CLIP2: variants seen among roughly 807,000 people sequenced by gnomAD.
CLIP2 encodes the protein CAP-Gly domain-containing linker protein 2.
In CLIP2, 41 loss-of-function variants were observed where a neutral mutation model predicts 111.7. The ratio of observed to expected loss-of-function variants is 0.37; its 90% CI spans 0.29 to 0.48. The LOEUF is 0.48. Among genes scored for constraint, CLIP2 ranks in the 20% least tolerant of loss-of-function variants. The pLI is 0.99. For synonymous variants in CLIP2, 660 were observed against 644.2 expected (o/e 1.02, Z -0.37); for missense variants, 1,160 against 1,422.1 (o/e 0.82, Z 2.96).
intron 1 of CLIP2, among the ~76,000 whole-genome samples, chr7:74,299,412 C>G (rs576964682): frequency 6.6e-6 from 1 of 152,196 alleles, no homozygotes; most frequent in Admixed American, 6.5e-5. Flanking sequence ...AATCCCTGGG[C>G]CACCAAGTTC....
chr7:74,317,390 C>T, intron 1 of CLIP2, 90 bp from the exon 2 acceptor site: 1 of 912,528 alleles, frequency 1.1e-6, no homozygotes. Flanking sequence ...TCCAGCCCAC[C>T]TCAGGAGGGA....
intron 8 of CLIP2, among the ~76,000 whole-genome samples, chr7:74,372,103 G>A (rs1584370237): frequency 6.6e-6 from 1 of 152,230 alleles, no homozygotes; most frequent in East Asian, 1.9e-4. Context: ...CACCCTCCCA[G>A]CTTCCCTTCC....
intron 10 of CLIP2, among the ~76,000 whole-genome samples, chr7:74,379,778 T>TA (rs202201006): frequency 6.7e-6 from 1 of 149,798 alleles, no homozygotes; most frequent in African/African-American, 2.5e-5. Context: ...AAAATAATAA[T>TA]AAAAAAACCC....
intron 8 of CLIP2, among the ~76,000 whole-genome samples, chr7:74,369,631 C>T (rs1554311495): frequency 2.0e-5 from 3 of 151,692 alleles, no homozygotes; most frequent in African/African-American, 4.8e-5. Flanking sequence ...CCAAGGCCAG[C>T]GGATCATTCG....
chr7:74,314,623 A>G (rs1326644239), intron 1 of CLIP2, among the ~76,000 whole-genome samples: 3 of 152,170 alleles, frequency 2.0e-5, no homozygotes, highest in Admixed American at 2.0e-4. Flanking sequence ...AGACATGAGG[A>G]TGCTTTTGCC....
chr7:74,317,744 GC>G, intron 2 of CLIP2, 77 bp downstream of exon 2: 1 of 1,343,684 alleles, frequency 7.4e-7, no homozygotes, highest in Non-Finnish European at 9.6e-7. Flanking sequence ...AGCCCCAGGA[GC>G]ACAGGCCACT....
At chr7:74,309,773 G>A (rs987452019) in intron 1 of CLIP2, among the ~76,000 whole-genome samples, 6 of 150,468 alleles carry the variant, frequency 4.0e-5, no homozygotes, top group African/African-American at 1.5e-4. Flanking sequence ...CAGGAGAATC[G>A]CTTGAACCCG....
At chr7:74,303,592 T>A (rs1434569935) in intron 1 of CLIP2, among the ~76,000 whole-genome samples, 9 of 144,642 alleles carry the variant, frequency 6.2e-5, no homozygotes, top group African/African-American at 2.4e-4. Flanking sequence ...CTTGTGTCTC[T>A]TATTTTTTTT....
At chr7:74,377,894 C>T (rs1189972676) in intron 10 of CLIP2, among the ~76,000 whole-genome samples, 5 of 147,600 alleles carry the variant, frequency 3.4e-5, no homozygotes, top group Admixed American at 1.4e-4. Flanking sequence ...GGTGGGATCT[C>T]GGCTCACTGC....
chr7:74,320,327 T>C (rs1309850094), intron 2 of CLIP2, among the ~76,000 whole-genome samples: 1 of 150,964 alleles, frequency 6.6e-6, no homozygotes, highest in Non-Finnish European at 1.5e-5. Flanking sequence ...AGAGTTTGAG[T>C]CCAGCCTGAG....
At chr7:74,365,031 GT>G (rs1790440667) in intron 8 of CLIP2, 4 of 325,080 alleles carry the variant, frequency 1.2e-5, no homozygotes, top group Admixed American at 3.7e-5. Flanking sequence ...GTGTGTGTGT[GT>G]GTGTGTGTGT....
rs782351402 is a variant in CLIP2, at chr7:74,397,039, T to G, written c.2721-35T>G. On this transcript the variant is annotated intron_variant, in intron 13 of 16. Transcript: ENST00000223398. Reference sequence around the variant, plus strand: ...GTGTGGGAGCTGGAGGAGCCAGGGCTGAGTGCAGTGGTTCTGTGCCCGCCT... The same window carrying G: ...GTGTGGGAGCTGGAGGAGCCAGGGCGGAGTGCAGTGGTTCTGTGCCCGCCT... 3.7e-6 allele frequency: 6 copies of G among 1,605,646 alleles called. No homozygotes were observed. In the East Asian group the frequency reaches 9.0e-5, roughly 24 times the overall value.
chr7:74,324,063 G>A (rs1217153334), intron 2 of CLIP2, among the ~76,000 whole-genome samples: 8 of 152,044 alleles, frequency 5.3e-5, no homozygotes, highest in Non-Finnish European at 8.8e-5. Context: ...GCAGTGGCAC[G>A]ATCTCTGCAA....
chr7:74,360,257 A>G lies in CLIP2; in HGVS notation c.1298A>G (p.Asn433Ser). ...SVRKEKVDLS[N>S]QLEEERRKVE... Reference sequence around the variant, plus strand: ...CGGAAAGAGAAGGTGGACCTGTCCAACCAGCTGGAGGAGGAGAGGAGGTAC... The same window carrying G: ...CGGAAAGAGAAGGTGGACCTGTCCAGCCAGCTGGAGGAGGAGAGGAGGTAC... Residue 433 changes from asparagine to serine, a missense_variant, in exon 7 of 17, where the codon AAC becomes AGC. Asn to Ser is a conservative substitution (Grantham distance 46). This residue lies in a region of CLIP2 where 70 missense variants were observed against 114.9 expected (regional missense o/e 0.61). Coordinates refer to ENST00000223398, the MANE Select transcript of CLIP2 (RefSeq NM_003388.5). The G allele has an allele frequency of 6.2e-7, 1 of 1,602,356 alleles. No homozygotes were observed. The highest frequency in any genetic ancestry group is 1.1e-5 in the South Asian group (1 of 88,852).
intron 13 of CLIP2, among the ~76,000 whole-genome samples, chr7:74,390,120 A>AG (rs1791232582): frequency 6.0e-5 from 8 of 133,806 alleles, no homozygotes; most frequent in East Asian, 2.1e-4. Context: ...AGAAAGAAAG[A>AG]AAAGAGAGAG....
intron 2 of CLIP2, among the ~76,000 whole-genome samples, chr7:74,330,259 T>TTTC (rs1789241732): frequency 6.7e-6 from 1 of 149,766 alleles, no homozygotes; most frequent in East Asian, 2.0e-4. Context: ...TTTTTTTTTT[T>TTTC]TTTCTTTCTT....
At chr7:74,380,988 C>A in intron 11 of CLIP2, 125 bp downstream of exon 11, 2 of 919,262 alleles carry the variant, frequency 2.2e-6, no homozygotes, top group Non-Finnish European at 3.6e-6. Context: ...CTCCTGTGTG[C>A]TGTGAGCTAT....
intron 5 of CLIP2, 69 bp downstream of exon 5, chr7:74,356,692 A>G (rs1263882060): frequency 4.2e-6 from 6 of 1,432,322 alleles, no homozygotes; most frequent in Admixed American, 3.9e-5. Flanking sequence ...TAAGAGATCC[A>G]GGTGTTCTGG....
intron 2 of CLIP2, among the ~76,000 whole-genome samples, chr7:74,330,105 T>C (rs1425217168): frequency 2.0e-5 from 3 of 151,406 alleles, no homozygotes; most frequent in African/African-American, 7.3e-5. Context: ...TATTTTTACT[T>C]TTTTGTAGAG....
Sources: gnomAD v4.1 joint callset for allele counts (sites outside exome capture counted in the v4.1 genomes callset) on GRCh38, gnomAD v4.1.1 for gene constraint, gnomAD v4.1.1 regional missense constraint, MANE v1.5 for transcripts, NCBI Gene and HGNC (gene_info 2026-07-23, HGNC 2026-07-21) for gene names.